The following CPED1 variants were observed in gnomAD, a reference collection of about 807,000 sequenced individuals.
The protein encoded by CPED1 is cadherin-like and PC-esterase domain-containing protein 1.
Under a neutral mutation model 128.2 loss-of-function variants are expected in CPED1, and 114 were observed. The ratio of observed to expected loss-of-function variants is 0.89; its 90% confidence interval spans 0.76 to 1.04. The LOEUF (loss-of-function observed/expected upper bound fraction) is 1.04, where lower values mean the gene tolerates loss of function less well. Among genes scored for constraint, CPED1 ranks in the 50% least tolerant of loss-of-function variants. The probability of loss-of-function intolerance (pLI) is 0.00; values close to 1 mark genes in which losing one functional copy is unlikely to be tolerated. For missense variants in CPED1, 1,211 were observed against 1,207.1 expected, an observed-to-expected ratio of 1.00 and a Z score of -0.05; for synonymous variants, 462 against 426.7, an observed-to-expected ratio of 1.08 and a Z score of -1.02.
At chr7:121,273,215 G>A (rs1158160831) in intron 22 of CPED1, among the ~76,000 whole-genome samples, 1 of 151,906 alleles carries the variant, frequency 6.6e-6, no homozygotes, top group Non-Finnish European at 1.5e-5. Context: ...TCAGCCCTTA[G>A]CTGACTGTCA....
chr7:121,245,311 TGTTA>T (rs969091110), intron 18 of CPED1, among the ~76,000 whole-genome samples: 1 of 152,114 alleles, frequency 6.6e-6, no homozygotes, highest in African/African-American at 2.4e-5. Context: ...CAATCAGTAG[TGTTA>T]GTTCCTTTTT....
intron 22 of CPED1, among the ~76,000 whole-genome samples, chr7:121,276,684 TAATC>T (rs1387206252): frequency 6.6e-6 from 1 of 152,130 alleles, no homozygotes; most frequent in African/African-American, 2.4e-5. Flanking sequence ...GAACAGGACT[TAATC>T]AAGGTAATAA....
rs111761805 is a variant in CPED1 at position 121,027,005 on chromosome 7, A to AT, written c.433+11172dup. Among the ~76,000 whole-genome samples, 278 of 135,498 alleles carry AT rather than the reference A, an allele frequency of 2.1e-3. 3 individuals carry two copies. The highest frequency in any genetic ancestry group is 0.02 in the South Asian group (85 of 4,172). The allele number at this position is 135,498 out of a possible 152,430, so 88.9% of individuals were successfully genotyped here. On this transcript the variant is annotated intron_variant, in intron 3 of 22. Transcript: ENST00000310396. ...CCACCAAGCCCAGCTAATTTTTCTT[A>AT]TTTTTTTTTTTTTTTGTAGAGAGGG...
At chr7:121,146,700 G>A (rs1351251152) in intron 16 of CPED1, among the ~76,000 whole-genome samples, 1 of 152,112 alleles carries the variant, frequency 6.6e-6, no homozygotes, top group Non-Finnish European at 1.5e-5. Flanking sequence ...ACATTATTAA[G>A]TACCAACTTA....
intron 3 of CPED1, among the ~76,000 whole-genome samples, chr7:121,041,735 A>T (rs895697818): frequency 2.6e-5 from 4 of 152,184 alleles, no homozygotes; most frequent in Non-Finnish European, 4.4e-5. Context: ...AACAAAACAA[A>T]AACCTCTAAA....
At chr7:121,057,515 G>A (rs1327619855) in intron 4 of CPED1, among the ~76,000 whole-genome samples, 1 of 152,106 alleles carries the variant, frequency 6.6e-6, no homozygotes, top group Admixed American at 6.5e-5. Flanking sequence ...CTACTTATAA[G>A]TGAGAACATG....
chr7:121,254,544 A>T (rs1470988656), intron 18 of CPED1, among the ~76,000 whole-genome samples: 1 of 152,088 alleles, frequency 6.6e-6, no homozygotes, highest in Non-Finnish European at 1.5e-5. Context: ...GCAGAAAAAA[A>T]TAAATAACTA....
At chr7:121,244,365 C>A (rs765561553) in intron 18 of CPED1, 27 bp downstream of exon 18, 2 of 1,612,888 alleles carry the variant, frequency 1.2e-6, no homozygotes, top group East Asian at 4.5e-5. Flanking sequence ...GTGGGGGAAG[C>A]CTTTAATGTA....
intron 16 of CPED1, among the ~76,000 whole-genome samples, chr7:121,226,023 T>C (rs901435528): frequency 3.3e-5 from 5 of 152,170 alleles, no homozygotes; most frequent in Non-Finnish European, 5.9e-5. Context: ...GTTCCGTTGC[T>C]GACGAGGAAC....
rs751495335 is a variant in CPED1 at position 121,133,826 on chromosome 7, T to C, written c.1581T>C (p.Asn527=). 1.9e-5 allele frequency: 31 copies of C among 1,596,454 alleles called. No individual in the cohort carries two copies. In the South Asian group the frequency reaches 2.3e-4, roughly 12 times the overall value. The change falls in exon 13 of 23, where the codon AAT becomes AAC. Residue 527 remains asparagine (N), a synonymous_variant. Transcript: ENST00000310396. ...TTGTTTGGCATTGCATTTGCAGGAA[T>C]TCTTTCACAGAAGATAAGAACATTG... is the stretch of plus-strand genomic sequence containing the variant. ...KKTQPHPLEW[N]SFTEDKNIEK...
intron 22 of CPED1, among the ~76,000 whole-genome samples, chr7:121,274,306 T>C (rs531128203): frequency 6.6e-6 from 1 of 152,278 alleles, no homozygotes; most frequent in South Asian, 2.1e-4. Flanking sequence ...TTATAATTAT[T>C]ACTGATTAAA....
chr7:121,263,301 A>C (rs1792056745), intron 18 of CPED1, among the ~76,000 whole-genome samples: 1 of 152,076 alleles, frequency 6.6e-6, no homozygotes, highest in Non-Finnish European at 1.5e-5. Flanking sequence ...TTGGTAGGGC[A>C]GGAGAGAAAT....
chr7:121,044,648 C>CTTTTTTTTTTTTTGTTTTTTT (rs35159862), intron 3 of CPED1, among the ~76,000 whole-genome samples: 1 of 69,540 alleles, frequency 1.4e-5, no homozygotes, highest in African/African-American at 5.1e-5. Context: ...TGACTTTCTG[C>CTTTTTTTTTTTTTGTTTTTTT]TCTTTTTTTT....
intron 5 of CPED1, among the ~76,000 whole-genome samples, chr7:121,080,847 G>T (rs1794274910): frequency 6.6e-6 from 1 of 152,124 alleles, no homozygotes; most frequent in Non-Finnish European, 1.5e-5. Flanking sequence ...GGTAGAGACA[G>T]ATATTGAGCA....
At chr7:121,112,425 CAT>C (rs1489002391) in intron 7 of CPED1, among the ~76,000 whole-genome samples, 2 of 152,076 alleles carry the variant, frequency 1.3e-5, no homozygotes, top group African/African-American at 4.8e-5. Context: ...CATCTTCACT[CAT>C]GTGAAGATGA....
intron 2 of CPED1, among the ~76,000 whole-genome samples, chr7:120,992,664 T>A (rs1796327296): frequency 6.6e-6 from 1 of 152,216 alleles, no homozygotes; most frequent in Non-Finnish European, 1.5e-5. Flanking sequence ...TTTCAGTGAA[T>A]GTTTTAGTGT....
intron 18 of CPED1, among the ~76,000 whole-genome samples, chr7:121,248,265 A>G (rs779243071): frequency 2.0e-5 from 3 of 152,184 alleles, no homozygotes; most frequent in Non-Finnish European, 4.4e-5. Flanking sequence ...CTCCCTCCAC[A>G]GGACCAGCCT....
intron 3 of CPED1, among the ~76,000 whole-genome samples, chr7:121,032,516 A>T (rs1792758771): frequency 8.1e-6 from 1 of 123,538 alleles, no homozygotes; most frequent in Admixed American, 9.8e-5. Flanking sequence ...GGGGAACATC[A>T]TACCGCGGGG....
chr7:121,176,723 A>G (rs1294368486), intron 16 of CPED1, among the ~76,000 whole-genome samples: 1 of 152,128 alleles, frequency 6.6e-6, no homozygotes, highest in South Asian at 2.1e-4. Context: ...GATTTGGTTT[A>G]GAAAGAAAAT....
Sources: gnomAD v4.1 joint callset for allele counts (sites outside exome capture counted in the v4.1 genomes callset) on GRCh38, gnomAD v4.1.1 for gene constraint, MANE v1.5 for transcripts, NCBI Gene and HGNC (gene_info 2026-07-23, HGNC 2026-07-21) for gene names.